The following SHQ1 variants were observed in gnomAD, a reference collection of about 807,000 sequenced individuals.
SHQ1 encodes SHQ1, H/ACA ribonucleoprotein assembly factor, also known as protein SHQ1 homolog.
In SHQ1, 49 loss-of-function variants were observed where a neutral mutation model predicts 53.8. The observed-to-expected ratio is 0.91, with a 90% CI of 0.72 to 1.16. SHQ1 has a LOEUF of 1.16. SHQ1 is among the 50% of genes most tolerant of loss of function. SHQ1 has a pLI of 0.00. For missense variants in SHQ1, 738 were observed against 683.1 expected (o/e 1.08, Z -0.90); for synonymous variants, 243 against 251.0 (o/e 0.97, Z 0.30).
At chr3:72,767,017 A>G (rs895860589) in intron 10 of SHQ1, among the ~76,000 whole-genome samples, 3 of 152,228 alleles carry the variant, frequency 2.0e-5, no homozygotes, top group Admixed American at 2.0e-4. Flanking sequence ...ATACCAAATC[A>G]GACCACACAG....
At chr3:72,813,265 G>A (rs1417075443) in intron 8 of SHQ1, among the ~76,000 whole-genome samples, 2 of 151,604 alleles carry the variant, frequency 1.3e-5, no homozygotes, top group Admixed American at 6.6e-5. Context: ...TCAGGAGTTC[G>A]AGACCTCCCT....
chr3:72,799,643 TG>T (rs1260055164), intron 9 of SHQ1, among the ~76,000 whole-genome samples: 15 of 152,344 alleles, frequency 9.8e-5, no homozygotes, highest in Admixed American at 7.8e-4. Flanking sequence ...CTTCAATTTT[TG>T]ACTTATATTA....
intron 7 of SHQ1, 79 bp from the exon 8 acceptor site, chr3:72,815,482 C>CT (rs1707284501): frequency 9.2e-7 from 1 of 1,084,796 alleles, no homozygotes; most frequent in East Asian, 2.4e-5. Flanking sequence ...TCCATTTATT[C>CT]AACCAGTGTC....
At chr3:72,805,997 A>G (rs1051515168) in intron 9 of SHQ1, among the ~76,000 whole-genome samples, 2 of 152,116 alleles carry the variant, frequency 1.3e-5, no homozygotes, top group Non-Finnish European at 2.9e-5. Context: ...AAGAGATTCT[A>G]TGGAGATGAC....
At chr3:72,790,804 A>G (rs1706409277) in intron 10 of SHQ1, among the ~76,000 whole-genome samples, 1 of 152,244 alleles carries the variant, frequency 6.6e-6, no homozygotes, top group African/African-American at 2.4e-5. Context: ...TTTAGGGAAA[A>G]GAAAGTTATG....
chr3:72,795,595 T>C (rs1331847062), intron 9 of SHQ1: 2 of 152,194 alleles, frequency 1.3e-5, no homozygotes, highest in Non-Finnish European at 2.9e-5. Context: ...AATTTCTTTC[T>C]TGCTTTCCTT....
At chr3:72,841,352 C>CA (rs751315965) in intron 3 of SHQ1, among the ~76,000 whole-genome samples, 153 bp from the exon 4 acceptor site, 1,384 of 119,904 alleles carry the variant, frequency 0.012, 8 homozygotes, top group African/African-American at 0.036. Flanking sequence ...TTCGTGACAG[C>CA]AAAAAAAAAA....
At chr3:72,818,268 T>C (rs1707377126) in intron 6 of SHQ1, among the ~76,000 whole-genome samples, 1 of 152,128 alleles carries the variant, frequency 6.6e-6, no homozygotes, top group Admixed American at 6.6e-5. Context: ...TATTCCAAAA[T>C]GTACCATGCT....
intron 10 of SHQ1, among the ~76,000 whole-genome samples, chr3:72,755,328 C>G (rs929903359): frequency 6.6e-6 from 1 of 151,944 alleles, no homozygotes; most frequent in Non-Finnish European, 1.5e-5. Flanking sequence ...GATAGATAGA[C>G]AGATAAATTG....
At position 72,841,085 on chromosome 3, in the gene SHQ1, C is replaced by A. The variant is rs756078878; in HGVS notation, c.446G>T (p.Gly149Val). The A allele has an allele frequency of 2.5e-6, 4 of 1,613,820 alleles. No individual in the cohort carries two copies. The highest frequency in any genetic ancestry group is 3.4e-6 in the Non-Finnish European group (4 of 1,179,898). The change falls in exon 4 of 11, where the codon GGA (glycine) becomes GTA (valine). Residue 149 changes from glycine to valine, a missense_variant. Gly to Val is a moderately radical substitution (Grantham distance 109, BLOSUM62 -3). Coordinates refer to ENST00000325599, the MANE Select transcript of SHQ1 (RefSeq NM_018130.3). ...ESALNPQCHY[G>V]FGNLRSGVLQ... is the part of the protein sequence containing the mutation. ...CACTCCTGATCGTAAGTTTCCAAAT[C>A]CATAGTGGCACTGCGGATTCAAAGC...
chr3:72,754,899 A>G (rs1411486010), intron 10 of SHQ1, among the ~76,000 whole-genome samples: 1 of 152,238 alleles, frequency 6.6e-6, no homozygotes, highest in Admixed American at 6.5e-5. Flanking sequence ...ATTTTTGTGA[A>G]TATTGCTGAA....
At chr3:72,751,940 C>A (rs1440616208) in intron 10 of SHQ1, among the ~76,000 whole-genome samples, 3 of 152,106 alleles carry the variant, frequency 2.0e-5, no homozygotes, top group South Asian at 2.1e-4. Flanking sequence ...AATGTATATA[C>A]CCTGGACCCA....
chr3:72,809,169 G>C (rs1361048720), intron 9 of SHQ1, among the ~76,000 whole-genome samples: 1 of 152,106 alleles, frequency 6.6e-6, no homozygotes, highest in Non-Finnish European at 1.5e-5. Flanking sequence ...CCAAGTGGAG[G>C]TAAGTGGTAT....
At chr3:72,823,526 C>A (rs992889202) in intron 6 of SHQ1, among the ~76,000 whole-genome samples, 2 of 152,144 alleles carry the variant, frequency 1.3e-5, no homozygotes, top group African/African-American at 4.8e-5. Flanking sequence ...CAGTAGTAAA[C>A]AGCCCAAATA....
At chr3:72,843,504 C>T (rs1181208175) in intron 2 of SHQ1, among the ~76,000 whole-genome samples, 1 of 152,238 alleles carries the variant, frequency 6.6e-6, no homozygotes, top group Non-Finnish European at 1.5e-5. Context: ...CATTTTAAAA[C>T]ATTTTGCCTC....
chr3:72,801,538 C>A (rs1399273624), intron 9 of SHQ1, among the ~76,000 whole-genome samples: 1 of 152,028 alleles, frequency 6.6e-6, no homozygotes, highest in Non-Finnish European at 1.5e-5. Context: ...AAGGAAAAAA[C>A]AAACCTAAAC....
intron 10 of SHQ1, among the ~76,000 whole-genome samples, chr3:72,766,193 C>T (rs745763278): frequency 3.3e-5 from 5 of 152,102 alleles, no homozygotes; most frequent in Admixed American, 6.5e-5. Context: ...GCTATTCCAC[C>T]TCTTCTCAGC....
the SHQ1 span, among the ~76,000 whole-genome samples, chr3:72,740,935 C>T: frequency 7.2e-5 from 11 of 152,188 alleles, no homozygotes; most frequent in Admixed American, 6.5e-4. Context: ...ATTATCCTAA[C>T]GCATCTCTTA....
At chr3:72,846,387 C>T in intron 1 of SHQ1, 1 of 1,310,806 alleles carries the variant, frequency 7.6e-7, no homozygotes, top group Non-Finnish European at 1.0e-6. Context: ...CTTCGCCCCC[C>T]AGGTTCAAGC....
Sources: allele counts gnomAD v4.1 joint callset (sites outside exome capture counted in the v4.1 genomes callset), GRCh38; gene constraint gnomAD v4.1.1; transcripts MANE v1.5; gene names NCBI Gene and HGNC (gene_info 2026-07-23, HGNC 2026-07-21).